The following TMED10 variants were observed in gnomAD, a reference collection of about 807,000 sequenced individuals.
The protein encoded by TMED10 is transmembrane p24 trafficking protein 10.
Under a neutral mutation model 23.1 loss-of-function variants are expected in TMED10, and 7 were observed. That is an observed-to-expected ratio of 0.30 (90% CI 0.17 to 0.57). The LOEUF (loss-of-function observed/expected upper bound fraction) is 0.57, where lower values mean the gene tolerates loss of function less well. Ranked by LOEUF, TMED10 falls within the 20% of genes least tolerant of loss-of-function variation. TMED10 has a pLI of 0.91. For missense variants in TMED10, 162 were observed against 274.8 expected (o/e 0.59, Z 2.90); for synonymous variants, 113 against 106.9 (o/e 1.06, Z -0.35).
rs1172539044 is a variant in TMED10, at chr14:75,138,435, T to C, written c.412-2549A>G. Reference sequence around the variant, plus strand: ...GGTGTAAGATTTAACCAATAGTTAATGCACAGAGCTAACTTTCCTAAGTGA... The same window carrying C: ...GGTGTAAGATTTAACCAATAGTTAACGCACAGAGCTAACTTTCCTAAGTGA... On this transcript the variant is annotated intron_variant, in intron 3 of 4. Transcript: ENST00000303575. 5.3e-5 allele frequency among the ~76,000 whole-genome samples: 8 copies of C among 152,368 alleles called. No individual in the cohort carries two copies. The East Asian group carries it at 1.5e-3, about 29-fold the overall frequency.
In TMED10 at chr14:75,137,290, G is replaced by A. The variant is rs564222641; in HGVS notation, c.412-1404C>T. Among the ~76,000 whole-genome samples, 9 of 150,990 alleles carry A rather than the reference G, an allele frequency of 6.0e-5. No individual in the cohort carries two copies. The East Asian group carries it at 1.2e-3, about 20-fold the overall frequency. The stretch of plus-strand genomic sequence containing the variant: ...CTCCCAAAGTGCTGAGATTACAGGC[G>A]TGATCCACCATGCCCGGCCAGCTTT... On this transcript the variant is annotated intron_variant, in intron 3 of 4. Transcript: ENST00000303575.
At chr14:75,148,277 T>C (rs1378231940) in intron 2 of TMED10, among the ~76,000 whole-genome samples, 3 of 152,078 alleles carry the variant, frequency 2.0e-5, no homozygotes, top group Admixed American at 2.0e-4. Context: ...GAAAAGAACA[T>C]AAGTTTTATC....
intron 1 of TMED10, among the ~76,000 whole-genome samples, chr14:75,167,384 C>T (rs1896178009): frequency 6.6e-6 from 1 of 151,962 alleles, no homozygotes; most frequent in Admixed American, 6.6e-5. Context: ...TTCCTCCCTC[C>T]CCTGCCTCTT....
chr14:75,167,228 C>T (rs1896175933), intron 1 of TMED10, among the ~76,000 whole-genome samples: 1 of 152,160 alleles, frequency 6.6e-6, no homozygotes, highest in South Asian at 2.1e-4. Context: ...GCGTGAGCCA[C>T]CACGCCCAGC....
chr14:75,160,869 AC>A (rs536725089), intron 1 of TMED10, among the ~76,000 whole-genome samples: 65 of 152,160 alleles, frequency 4.3e-4, no homozygotes, highest in African/African-American at 1.5e-3. Context: ...ACATGGCAAA[AC>A]CCTGTCTCTG....
At chr14:75,153,036 C>T (rs1895973809) in intron 1 of TMED10, among the ~76,000 whole-genome samples, 2 of 152,154 alleles carry the variant, frequency 1.3e-5, no homozygotes, top group South Asian at 2.1e-4. Flanking sequence ...GCAGGAGAAT[C>T]GCTTGAACCT....
intron 1 of TMED10, among the ~76,000 whole-genome samples, chr14:75,153,421 T>C (rs1039448461): frequency 2.0e-5 from 3 of 152,198 alleles, no homozygotes; most frequent in Non-Finnish European, 4.4e-5. Flanking sequence ...AAGAATGGCC[T>C]ATCAGCACAG....
rs910527465 is a variant in TMED10 at position 75,158,855 on chromosome 14, T to A, written c.226-6712A>T. 3.3e-5 allele frequency among the ~76,000 whole-genome samples: 5 copies of A among 152,080 alleles called. 1 individual carries two copies. Among genetic ancestry groups the A allele is most frequent in the African/African-American group, 1.2e-4 (5 of 41,520 alleles). ...AGGAGAATCACTTGAACCCGGGAGA[T>A]GGAGGTTGTGGTGAGTCGCGATCGC... is the stretch of plus-strand genomic sequence containing the variant. On this transcript the variant is annotated intron_variant, in intron 1 of 4. Transcript: ENST00000303575.
intron 1 of TMED10, among the ~76,000 whole-genome samples, chr14:75,167,305 A>C (rs1896177218): frequency 6.6e-6 from 1 of 152,178 alleles, no homozygotes; most frequent in Admixed American, 6.6e-5. Flanking sequence ...AGTAATAAAA[A>C]AGCTGAAATA....
In TMED10 at chr14:75,133,933, A is replaced by G; in HGVS notation, c.*952T>C. The G allele has an allele frequency of 3.4e-6, 1 of 292,720 alleles. No individual in the cohort carries two copies. The highest frequency in any genetic ancestry group is 2.8e-5 in the South Asian group (1 of 35,148). The allele number at this position is 292,720 out of a possible 1,614,324, so 18.1% of individuals were successfully genotyped here. A position where few individuals can be genotyped will look rare whatever the true frequency, so the allele number is the denominator to read the frequency against. Reference sequence around the variant, plus strand: ...AAAGAAAAAAAGGAAGAAACTATTCATACATGCAACAACTTGGATGGATTT... The same window carrying G: ...AAAGAAAAAAAGGAAGAAACTATTCGTACATGCAACAACTTGGATGGATTT... On this transcript the variant is annotated 3_prime_UTR_variant, in exon 5 of 5. Coordinates refer to ENST00000303575, the MANE Select transcript of TMED10 (RefSeq NM_006827.6).
intron 1 of TMED10, among the ~76,000 whole-genome samples, chr14:75,153,682 G>A (rs548590078): frequency 3.3e-5 from 5 of 152,014 alleles, no homozygotes; most frequent in African/African-American, 1.2e-4. Context: ...ATTTTAAGCA[G>A]GAAAATTAAG....
At chr14:75,145,533 C>G (rs528786390) in intron 3 of TMED10, among the ~76,000 whole-genome samples, 4 of 152,254 alleles carry the variant, frequency 2.6e-5, no homozygotes, top group African/African-American at 9.6e-5. Flanking sequence ...CGCATGTAAT[C>G]CGCCAGCACT....
chr14:75,176,027 C>A, intron 1 of TMED10: 2 of 385,774 alleles, frequency 5.2e-6, no homozygotes, highest in East Asian at 6.0e-5. Context: ...ATTCAACACC[C>A]CAACATTTAT....
intron 1 of TMED10, among the ~76,000 whole-genome samples, chr14:75,156,481 A>T (rs1354088066): frequency 1.3e-5 from 2 of 152,180 alleles, no homozygotes; most frequent in African/African-American, 4.8e-5. Flanking sequence ...GGACCAGCAC[A>T]AGCCATACAC....
chr14:75,174,149 C>T (rs1175669284), intron 1 of TMED10, among the ~76,000 whole-genome samples: 1 of 152,120 alleles, frequency 6.6e-6, no homozygotes, highest in African/African-American at 2.4e-5. Context: ...AGGTAACATG[C>T]TTGGCATTCT....
intron 3 of TMED10, 82 bp from the exon 4 acceptor site, chr14:75,135,968 T>C: frequency 6.4e-7 from 1 of 1,559,520 alleles, no homozygotes; most frequent in Non-Finnish European, 8.6e-7. Flanking sequence ...AGAAGTCTTT[T>C]TTAAAGTTTC....
At position 75,131,716 on chromosome 14, in the gene TMED10, C is replaced by G. The variant is rs941891001; in HGVS notation, c.*3169G>C. On this transcript the variant is annotated 3_prime_UTR_variant, in exon 5 of 5. Coordinates refer to ENST00000303575, the MANE Select transcript of TMED10 (RefSeq NM_006827.6). ...AAGCACATAACACCCGATTTTAAAGCTTATTTGCTCTTGTGTCAGTCTTTT... is the reference window on the plus strand; with the variant it reads ...AAGCACATAACACCCGATTTTAAAGGTTATTTGCTCTTGTGTCAGTCTTTT... The G allele has an allele frequency of 2.6e-5, 4 of 152,266 alleles. No individual in the cohort carries two copies. Among genetic ancestry groups the G allele is most frequent in the Non-Finnish European group, 5.9e-5 (4 of 68,026 alleles). The allele number at this position is 152,266 out of a possible 1,614,324, so 9.4% of individuals were successfully genotyped here.
At chr14:75,152,890 C>T (rs535406067) in intron 1 of TMED10, among the ~76,000 whole-genome samples, 6 of 152,218 alleles carry the variant, frequency 3.9e-5, no homozygotes, top group African/African-American at 1.4e-4. Context: ...GAGGCCGAGG[C>T]GGATGGATCA....
chr14:75,143,058 C>T (rs1011215991), intron 3 of TMED10, among the ~76,000 whole-genome samples: 5 of 152,028 alleles, frequency 3.3e-5, no homozygotes, highest in Non-Finnish European at 5.9e-5. Context: ...AGGGTTTCAC[C>T]ATGTTGGCCA....
Sources: allele counts gnomAD v4.1 joint callset (sites outside exome capture counted in the v4.1 genomes callset), GRCh38; gene constraint gnomAD v4.1.1; transcripts MANE v1.5; gene names NCBI Gene and HGNC (gene_info 2026-07-23, HGNC 2026-07-21).